Variants in MAGI1 observed in about 807,000 individuals in gnomAD.
MAGI1 encodes membrane-associated guanylate kinase, WW and PDZ domain-containing protein 1.
In MAGI1, 58 loss-of-function variants were observed where a neutral mutation model predicts 139.9. The ratio of observed to expected loss-of-function variants is 0.41; its 90% CI spans 0.34 to 0.52. MAGI1 has a LOEUF of 0.52. Among genes scored for constraint, MAGI1 ranks in the 20% least tolerant of loss-of-function variants. The probability of loss-of-function intolerance (pLI) is 0.12; values close to 1 mark genes in which losing one functional copy is unlikely to be tolerated. For missense variants in MAGI1, 1,874 were observed against 1,901.6 expected, an observed-to-expected ratio of 0.99 and a Z score of 0.27; for synonymous variants, 812 against 737.9, an observed-to-expected ratio of 1.10 and a Z score of -1.63.
chr3:65,891,914 A>G (rs1323676564), intron 1 of MAGI1, among the ~76,000 whole-genome samples: 9 of 103,242 alleles, frequency 8.7e-5, no homozygotes, highest in Non-Finnish European at 1.4e-4. Flanking sequence ...ATATATATAT[A>G]TATATATATA....
intron 1 of MAGI1, among the ~76,000 whole-genome samples, chr3:65,744,966 C>T (rs1306816870): frequency 6.6e-6 from 1 of 151,854 alleles, no homozygotes; most frequent in Non-Finnish European, 1.5e-5. Flanking sequence ...CATTCTGTCC[C>T]TCCCTCCAGC....
chr3:65,558,505 C>CA (rs1423949827), intron 2 of MAGI1, among the ~76,000 whole-genome samples: 3 of 151,922 alleles, frequency 2.0e-5, no homozygotes, highest in African/African-American at 2.4e-5. Context: ...AAAACAAAAA[C>CA]AAAAAAACAG....
At chr3:65,501,182 T>C (rs1047040733) in intron 2 of MAGI1, among the ~76,000 whole-genome samples, 1 of 152,056 alleles carries the variant, frequency 6.6e-6, no homozygotes. Context: ...GAAACTGCTT[T>C]TAAAAAAAAT....
chr3:65,461,842 T>C (rs969893083), intron 5 of MAGI1, among the ~76,000 whole-genome samples: 1 of 152,194 alleles, frequency 6.6e-6, no homozygotes, highest in African/African-American at 2.4e-5. Context: ...TGGTATCTCA[T>C]TGTGGTTTTG....
chr3:65,783,556 C>T (rs1398762768), intron 1 of MAGI1, among the ~76,000 whole-genome samples: 1 of 152,070 alleles, frequency 6.6e-6, no homozygotes, highest in Admixed American at 6.6e-5. Context: ...TGCAGTGGCA[C>T]GATCAGAGCT....
intron 2 of MAGI1, among the ~76,000 whole-genome samples, chr3:65,535,064 G>A (rs773925527): frequency 2.6e-5 from 4 of 151,810 alleles, no homozygotes; most frequent in Non-Finnish European, 5.9e-5. Context: ...AATCCAACAC[G>A]GCTGGTAGAA....
chr3:66,003,201 G>A (rs1387366744), intron 1 of MAGI1, among the ~76,000 whole-genome samples: 1 of 152,068 alleles, frequency 6.6e-6, no homozygotes, highest in African/African-American at 2.4e-5. Context: ...AGTCACAGGG[G>A]CAGCCATAAA....
At chr3:66,018,719 C>T (rs956881502) in intron 1 of MAGI1, among the ~76,000 whole-genome samples, 1 of 152,206 alleles carries the variant, frequency 6.6e-6, no homozygotes, top group African/African-American at 2.4e-5. Flanking sequence ...TGCTCGGGGT[C>T]TTAATCAGCC....
chr3:65,759,450 G>A (rs1325847281), intron 1 of MAGI1, among the ~76,000 whole-genome samples: 1 of 152,118 alleles, frequency 6.6e-6, no homozygotes, highest in Admixed American at 6.6e-5. Context: ...TCTTATTACT[G>A]GGATCTCAGG....
At chr3:65,488,637 G>A (rs1365007035) in intron 3 of MAGI1, among the ~76,000 whole-genome samples, 2 of 149,718 alleles carry the variant, frequency 1.3e-5, no homozygotes, top group South Asian at 2.1e-4. Context: ...CACTACACCC[G>A]GCCTACTCAT....
intron 1 of MAGI1, among the ~76,000 whole-genome samples, chr3:65,958,207 T>G (rs2064231998): frequency 6.6e-6 from 1 of 152,156 alleles, no homozygotes; most frequent in Non-Finnish European, 1.5e-5. Context: ...TCATAAAACC[T>G]TCAAGTCTAA....
chr3:65,570,033 C>G (rs940746390), intron 2 of MAGI1, among the ~76,000 whole-genome samples: 1 of 150,398 alleles, frequency 6.6e-6, no homozygotes, highest in African/African-American at 2.4e-5. Context: ...ACTAGGTGAG[C>G]TCTTTCCATT....
At chr3:65,595,746 T>C (rs1216133466) in intron 2 of MAGI1, among the ~76,000 whole-genome samples, 2 of 144,540 alleles carry the variant, frequency 1.4e-5, no homozygotes, top group Non-Finnish European at 3.0e-5. Context: ...ACTTGAAATA[T>C]ACAGCCTAAG....
At position 65,356,685 on chromosome 3, in the gene MAGI1, C is replaced by T; in HGVS notation, c.4082G>A (p.Arg1361His). The change falls in exon 23 of 23, where the codon CGC becomes CAC. Residue 1361 changes from arginine (R) to histidine (H), a missense_variant. Arg to His is a conservative substitution (Grantham distance 29, BLOSUM62 0). This residue lies in a region of MAGI1 where 653 missense variants were observed against 644.5 expected (regional missense o/e 1.01). Coordinates refer to ENST00000402939, the MANE Select transcript of MAGI1 (RefSeq NM_001033057.2). ...CCGGCTGGGGGAGCCGTCTCTCCTG[C>T]GGGTGGGTGACCGCTCTCGCCTCCG... ...PERRRERSPT[R>H]RRDGSPSRRR... 6.3e-7 allele frequency: 1 copy of T among 1,590,918 alleles called. No individual in the cohort carries two copies. The highest frequency in any genetic ancestry group is 8.6e-7 in the Non-Finnish European group (1 of 1,169,204).
At chr3:65,567,734 G>A (rs1405124425) in intron 2 of MAGI1, among the ~76,000 whole-genome samples, 1 of 152,070 alleles carries the variant, frequency 6.6e-6, no homozygotes, top group Non-Finnish European at 1.5e-5. Context: ...TACTTGGGAG[G>A]CTGAGGAAGG....
At chr3:65,534,046 A>C (rs530651423) in intron 2 of MAGI1, among the ~76,000 whole-genome samples, 1 of 152,296 alleles carries the variant, frequency 6.6e-6, no homozygotes, top group East Asian at 1.9e-4. Flanking sequence ...GAGACAGAGA[A>C]CTACCCAGAA....
intron 1 of MAGI1, among the ~76,000 whole-genome samples, chr3:65,650,517 T>G (rs778872470): frequency 6.6e-6 from 1 of 152,188 alleles, no homozygotes; most frequent in Non-Finnish European, 1.5e-5. Flanking sequence ...TTATACTGAA[T>G]GAGAAATGCC....
intron 2 of MAGI1, among the ~76,000 whole-genome samples, chr3:65,566,802 A>G (rs2080675985): frequency 6.6e-6 from 1 of 151,548 alleles, no homozygotes; most frequent in Admixed American, 6.6e-5. Flanking sequence ...GGCCCAGGAC[A>G]CTCATAATTT....
intron 2 of MAGI1, among the ~76,000 whole-genome samples, chr3:65,556,978 C>A (rs1482573100): frequency 6.6e-6 from 1 of 152,172 alleles, no homozygotes; most frequent in Admixed American, 6.5e-5. Context: ...GGGAAAGGCT[C>A]TCTACCAAAG....
Sources: gnomAD v4.1 joint callset for allele counts (sites outside exome capture counted in the v4.1 genomes callset) on GRCh38, gnomAD v4.1.1 for gene constraint, gnomAD v4.1.1 regional missense constraint, MANE v1.5 for transcripts, NCBI Gene and HGNC (gene_info 2026-07-23, HGNC 2026-07-21) for gene names.